Variants in SYNDIG1 observed in about 807,000 individuals in gnomAD.
SYNDIG1 encodes synapse differentiation inducing 1.
Under a neutral mutation model 19.4 loss-of-function variants are expected in SYNDIG1, and 9 were observed. That is an observed-to-expected ratio of 0.46 (90% CI 0.28 to 0.81). The LOEUF (loss-of-function observed/expected upper bound fraction) is 0.81. Ranked by LOEUF, SYNDIG1 falls within the 30% of genes least tolerant of loss-of-function variation. The pLI is 0.12. For missense variants in SYNDIG1, 311 were observed against 343.3 expected (o/e 0.91, Z 0.74); for synonymous variants, 141 against 145.9 (o/e 0.97, Z 0.24).
In SYNDIG1 at chr20:24,523,827, G is replaced by A. The variant is rs149419079; in HGVS notation, c.-78-19193G>A. On this transcript the variant is annotated intron_variant, in intron 1 of 3. Transcript: ENST00000376862. ...CTTCCAGCTGTGCATGCGCGCTGCC[G>A]TTCTTGCTCACAAAGATGGTCTTTG... is the stretch of plus-strand genomic sequence containing the variant. Among the ~76,000 whole-genome samples, 432 of 152,236 alleles carry A rather than the reference G, an allele frequency of 2.8e-3. 2 individuals carry two copies. Among genetic ancestry groups the A allele is most frequent in the African/African-American group, 0.01 (417 of 41,552 alleles).
intron 2 of SYNDIG1, among the ~76,000 whole-genome samples, chr20:24,553,115 G>A (rs1423705227): frequency 6.6e-6 from 1 of 151,704 alleles, no homozygotes; most frequent in Non-Finnish European, 1.5e-5. Flanking sequence ...CTTCTTTTGA[G>A]AAGTGTCTGT....
At chr20:24,533,027 C>A (rs1402560843) in intron 1 of SYNDIG1, among the ~76,000 whole-genome samples, 1 of 152,064 alleles carries the variant, frequency 6.6e-6, no homozygotes, top group Non-Finnish European at 1.5e-5. Context: ...AACTGTTCCC[C>A]AGCACGTGGG....
chr20:24,661,223 C>G (rs901257254), intron 3 of SYNDIG1, among the ~76,000 whole-genome samples: 1 of 151,498 alleles, frequency 6.6e-6, no homozygotes, highest in Non-Finnish European at 1.5e-5. Flanking sequence ...TAGGGTGTGT[C>G]TCTTGTGATG....
intron 1 of SYNDIG1, among the ~76,000 whole-genome samples, chr20:24,470,501 G>A (rs2077754517): frequency 6.6e-6 from 1 of 151,412 alleles, no homozygotes; most frequent in Non-Finnish European, 1.5e-5. Flanking sequence ...ATGGGAGCGA[G>A]CACATACGCT....
chr20:24,542,043 T>C (rs903360356), intron 1 of SYNDIG1, among the ~76,000 whole-genome samples: 5 of 152,170 alleles, frequency 3.3e-5, no homozygotes, highest in Non-Finnish European at 5.9e-5. Context: ...AAAGGCAATA[T>C]ATATGACAAA....
At chr20:24,622,879 A>G (rs1255862738) in intron 3 of SYNDIG1, among the ~76,000 whole-genome samples, 1 of 144,000 alleles carries the variant, frequency 6.9e-6, no homozygotes, top group East Asian at 1.9e-4. Flanking sequence ...AATTAGAACA[A>G]AAAACAAAAA....
chr20:24,509,091 T>C (rs2056677351), intron 1 of SYNDIG1, among the ~76,000 whole-genome samples: 1 of 152,244 alleles, frequency 6.6e-6, no homozygotes, highest in African/African-American at 2.4e-5. Flanking sequence ...TTGGTCCCTG[T>C]AATTTTAGCA....
At chr20:24,593,806 A>G (rs2058551833) in intron 3 of SYNDIG1, among the ~76,000 whole-genome samples, 1 of 152,024 alleles carries the variant, frequency 6.6e-6, no homozygotes, top group Non-Finnish European at 1.5e-5. Context: ...GCATTTTTTC[A>G]TATGGTTGTT....
chr20:24,520,150 A>G (rs1398749910), intron 1 of SYNDIG1, among the ~76,000 whole-genome samples: 1 of 152,104 alleles, frequency 6.6e-6, no homozygotes, highest in Non-Finnish European at 1.5e-5. Flanking sequence ...GCTTTTATGT[A>G]TATAGGTAAA....
chr20:24,493,819 C>T (rs958159454), intron 1 of SYNDIG1, among the ~76,000 whole-genome samples: 3 of 152,136 alleles, frequency 2.0e-5, no homozygotes, highest in Admixed American at 6.5e-5. Flanking sequence ...GAGGCATGGC[C>T]GGGTGCTGGA....
At chr20:24,634,360 A>G (rs775317268) in intron 3 of SYNDIG1, among the ~76,000 whole-genome samples, 1 of 152,224 alleles carries the variant, frequency 6.6e-6, no homozygotes, top group Non-Finnish European at 1.5e-5. Flanking sequence ...GGACATATCA[A>G]TTGTTTTCAA....
chr20:24,571,732 C>G (rs1466789643), intron 2 of SYNDIG1, among the ~76,000 whole-genome samples: 4 of 152,102 alleles, frequency 2.6e-5, no homozygotes, highest in African/African-American at 9.7e-5. Flanking sequence ...CCTAGAACAC[C>G]CCAGCCCATC....
intron 3 of SYNDIG1, among the ~76,000 whole-genome samples, chr20:24,660,922 A>T (rs1225009142): frequency 6.6e-6 from 1 of 152,202 alleles, no homozygotes; most frequent in East Asian, 1.9e-4. Context: ...CTTGCCTTTC[A>T]GAGTCTCCAG....
chr20:24,539,367 G>T (rs1243289442), intron 1 of SYNDIG1, among the ~76,000 whole-genome samples: 1 of 152,126 alleles, frequency 6.6e-6, no homozygotes, highest in Non-Finnish European at 1.5e-5. Flanking sequence ...TTTCCCTATT[G>T]AATGGTGTTG....
chr20:24,501,297 G>T (rs548696907), intron 1 of SYNDIG1, among the ~76,000 whole-genome samples: 1 of 152,144 alleles, frequency 6.6e-6, no homozygotes, highest in African/African-American at 2.4e-5. Flanking sequence ...CCTAAATGTC[G>T]TACCTGTAGC....
intron 3 of SYNDIG1, among the ~76,000 whole-genome samples, chr20:24,650,394 A>G (rs1268411931): frequency 6.6e-6 from 1 of 152,234 alleles, no homozygotes; most frequent in East Asian, 1.9e-4. Flanking sequence ...CTCCAACCAT[A>G]GTGAGCTGTC....
At chr20:24,640,730 G>A (rs1232729514) in intron 3 of SYNDIG1, among the ~76,000 whole-genome samples, 1 of 152,136 alleles carries the variant, frequency 6.6e-6, no homozygotes, top group Non-Finnish European at 1.5e-5. Flanking sequence ...GAAGCTCACT[G>A]GACACAAAAA....
At chr20:24,613,167 G>A (rs2058875994) in intron 3 of SYNDIG1, among the ~76,000 whole-genome samples, 1 of 152,182 alleles carries the variant, frequency 6.6e-6, no homozygotes, top group East Asian at 1.9e-4. Flanking sequence ...GGTGCTTGGG[G>A]TTGGAAGTTT....
chr20:24,636,290 G>C (rs1030756499), intron 3 of SYNDIG1, among the ~76,000 whole-genome samples: 1 of 152,092 alleles, frequency 6.6e-6, no homozygotes, highest in African/African-American at 2.4e-5. Flanking sequence ...TCATTGTCTC[G>C]TGCCAAGGGA....
Sources: allele counts gnomAD v4.1 joint callset (sites outside exome capture counted in the v4.1 genomes callset), GRCh38; gene constraint gnomAD v4.1.1; transcripts MANE v1.5; gene names NCBI Gene and HGNC (gene_info 2026-07-23, HGNC 2026-07-21).